RDH10: variants seen among roughly 807,000 people sequenced by gnomAD.
RDH10 encodes retinol dehydrogenase 10.
In RDH10, 12 loss-of-function variants were observed where a neutral mutation model predicts 30.2. The observed-to-expected ratio is 0.40, with a 90% confidence interval of 0.25 to 0.64. RDH10 has a LOEUF of 0.64. RDH10 is among the 30% of genes least tolerant of loss of function. RDH10 has a pLI of 0.43. For synonymous variants in RDH10, 189 were observed against 172.2 expected (o/e 1.10, Z -0.76); for missense variants, 268 against 445.2 (o/e 0.60, Z 3.58).
chr8:73,294,998 C>T lies in RDH10; in HGVS notation c.-292C>T. On this transcript the variant is annotated 5_prime_UTR_variant, in exon 1 of 6. Transcript: ENST00000240285. Reference sequence around the variant, plus strand: ...CCGCCACTGCAGCGGAGCCGGCCGGCCGGGCGCTGCGGGACGGGCGGGCGG... The same window carrying T: ...CCGCCACTGCAGCGGAGCCGGCCGGTCGGGCGCTGCGGGACGGGCGGGCGG... 2 of 380,598 alleles carry T rather than the reference C, an allele frequency of 5.3e-6. No individual in the cohort carries two copies. Among genetic ancestry groups the T allele is most frequent in the Admixed American group, 4.5e-5 (1 of 22,054 alleles). 23.6% of individuals were successfully genotyped at this position (380,598 alleles called of 1,614,324 possible).
At chr8:73,297,782 A>T (rs1333128238) in intron 2 of RDH10, 4 of 231,480 alleles carry the variant, frequency 1.7e-5, no homozygotes, top group Admixed American at 9.9e-5. Flanking sequence ...GAATTTCTAA[A>T]GTCAGGATTT....
chr8:73,314,156 A>G (rs920398993), intron 2 of RDH10, among the ~76,000 whole-genome samples: 1 of 152,154 alleles, frequency 6.6e-6, no homozygotes, highest in Non-Finnish European at 1.5e-5. Context: ...TCTCTATCTC[A>G]TACATGCTAC....
At chr8:73,301,735 G>T (rs571917172) in intron 2 of RDH10, among the ~76,000 whole-genome samples, 13 of 152,194 alleles carry the variant, frequency 8.5e-5, no homozygotes, top group Non-Finnish European at 1.8e-4. Flanking sequence ...CAGCCTGGGT[G>T]ACAGAACAAT....
At chr8:73,311,680 A>G (rs1020760746) in intron 2 of RDH10, 1 of 152,248 alleles carries the variant, frequency 6.6e-6, no homozygotes, top group Non-Finnish European at 1.5e-5. Context: ...TTTGACTATT[A>G]TGACATGTTC....
At position 73,308,110 on chromosome 8, in the gene RDH10, GAC is replaced by G. The variant is rs1215287659; in HGVS notation, c.525+10685_525+10686del. ...TTTGCATATCAGCATTGACAAATTA[GAC>G]ACAAAAAAAGTCACGAATGGATAGG... is the stretch of plus-strand genomic sequence containing the variant. On this transcript the variant is annotated intron_variant, in intron 2 of 5. Coordinates refer to ENST00000240285, the MANE Select transcript of RDH10 (RefSeq NM_172037.5). 1.1e-4 allele frequency among the ~76,000 whole-genome samples: 17 copies of G among 152,196 alleles called. No individual in the cohort carries two copies. The South Asian group carries it at 2.3e-3, about 20-fold the overall frequency.
chr8:73,301,356 C>T (rs1814371766), intron 2 of RDH10, among the ~76,000 whole-genome samples: 5 of 151,836 alleles, frequency 3.3e-5, no homozygotes, highest in Middle Eastern at 3.4e-3. Flanking sequence ...GGCCAAAACT[C>T]TATTCTTAAG....
At chr8:73,319,516 C>A (rs185370819) in intron 3 of RDH10, among the ~76,000 whole-genome samples, 2 of 152,328 alleles carry the variant, frequency 1.3e-5, no homozygotes, top group Non-Finnish European at 2.9e-5. Context: ...TAGAGCAAGA[C>A]CCTGTCTCTA....
At chr8:73,306,868 A>G (rs1208477563) in intron 2 of RDH10, among the ~76,000 whole-genome samples, 2 of 152,186 alleles carry the variant, frequency 1.3e-5, no homozygotes, top group African/African-American at 4.8e-5. Flanking sequence ...AGCCTAAACA[A>G]TAGGGCTCAA....
At chr8:73,300,836 G>C (rs1814360122) in intron 2 of RDH10, among the ~76,000 whole-genome samples, 1 of 152,036 alleles carries the variant, frequency 6.6e-6, no homozygotes, top group Non-Finnish European at 1.5e-5. Flanking sequence ...TTGGATATTA[G>C]AGTTGCAAGA....
chr8:73,295,068 C>G lies in RDH10; in HGVS notation c.-222C>G, dbSNP rs867895563. On this transcript the variant is annotated 5_prime_UTR_variant, in exon 1 of 6. Transcript: ENST00000240285. ...AGCCGGGTGACTGCCGCGGCGGGCACAGTCCGGGGCCACAGCGCCGAGCCC... is the reference window on the plus strand; with the variant it reads ...AGCCGGGTGACTGCCGCGGCGGGCAGAGTCCGGGGCCACAGCGCCGAGCCC... The G allele has an allele frequency of 6.0e-6, 2 of 331,548 alleles. No homozygotes were observed. Among genetic ancestry groups the G allele is most frequent in the African/African-American group, 4.4e-5 (2 of 45,830 alleles). The allele number at this position is 331,548 out of a possible 1,614,324, so 20.5% of individuals were successfully genotyped here.
Position 73,323,063 on chromosome 8 carries a change from C to G in RDH10, c.*27C>G. 2.5e-6 allele frequency: 4 copies of G among 1,575,770 alleles called. No individual in the cohort carries two copies. Among genetic ancestry groups the G allele is most frequent in the Non-Finnish European group, 3.5e-6 (4 of 1,145,842 alleles). ...AATCTTTTTGTATGGAATATTACTT[C>G]TATCAGAAGATGATCAAGATGTTTC... On this transcript the variant is annotated 3_prime_UTR_variant, in exon 6 of 6. Coordinates refer to ENST00000240285, the MANE Select transcript of RDH10 (RefSeq NM_172037.5).
At chr8:73,305,495 A>G (rs1814451101) in intron 2 of RDH10, among the ~76,000 whole-genome samples, 1 of 152,222 alleles carries the variant, frequency 6.6e-6, no homozygotes, top group African/African-American at 2.4e-5. Flanking sequence ...CAATTATGGT[A>G]AGTAGTCTAT....
chr8:73,320,228 T>C (rs945048279), intron 3 of RDH10, among the ~76,000 whole-genome samples: 2 of 152,250 alleles, frequency 1.3e-5, no homozygotes, highest in Admixed American at 6.5e-5. Context: ...TCTCCTTTAC[T>C]GAACAAGAGA....
rs1428763408 is a variant in RDH10 at position 73,301,041 on chromosome 8, TC to T, written c.525+3613del. Among the ~76,000 whole-genome samples the T allele has an allele frequency of 5.0e-3, 644 of 128,316 alleles. 21 individuals carry two copies. Among genetic ancestry groups the T allele is most frequent in the African/African-American group, 0.017 (614 of 35,886 alleles). The allele number at this position is 128,316 out of a possible 152,430, so 84.2% of individuals were successfully genotyped here. A position where few individuals can be genotyped will look rare whatever the true frequency, so the allele number is the denominator to read the frequency against. ...TCCTTTGCCTGGAACAAAACTCTAT[TC>T]TTTTTTTTTTTTTTTTTTTTTTTTT... On this transcript the variant is annotated intron_variant, in intron 2 of 5. Transcript: ENST00000240285.
chr8:73,307,509 C>A (rs917195981), intron 2 of RDH10, among the ~76,000 whole-genome samples: 8 of 152,170 alleles, frequency 5.3e-5, no homozygotes, highest in Non-Finnish European at 1.2e-4. Context: ...CTTAAATTTA[C>A]AAAGCCTTTT....
chr8:73,310,466 A>C (rs1298712407), intron 2 of RDH10, among the ~76,000 whole-genome samples: 1 of 152,248 alleles, frequency 6.6e-6, no homozygotes, highest in Non-Finnish European at 1.5e-5. Flanking sequence ...CTGTTGGAAC[A>C]GGGGCTAAGA....
chr8:73,312,888 T>C (rs1465421565), intron 2 of RDH10: 2 of 152,252 alleles, frequency 1.3e-5, no homozygotes, highest in African/African-American at 4.8e-5. Context: ...AAAACGATTC[T>C]TTTAAAAGAT....
At chr8:73,303,245 C>T in intron 2 of RDH10, among the ~76,000 whole-genome samples, 1 of 152,152 alleles carries the variant, frequency 6.6e-6, no homozygotes, top group East Asian at 1.9e-4. Context: ...GCAGTTGTAC[C>T]TAATATCTCA....
At chr8:73,302,259 G>T (rs898562918) in intron 2 of RDH10, among the ~76,000 whole-genome samples, 1 of 152,200 alleles carries the variant, frequency 6.6e-6, no homozygotes, top group African/African-American at 2.4e-5. Flanking sequence ...GTAGGTTCTA[G>T]TCAGCATAAT....
Sources: gnomAD v4.1 joint callset for allele counts (sites outside exome capture counted in the v4.1 genomes callset) on GRCh38, gnomAD v4.1.1 for gene constraint, MANE v1.5 for transcripts, NCBI Gene and HGNC (gene_info 2026-07-23, HGNC 2026-07-21) for gene names.